ATP6V0B: variants seen among roughly 807,000 people sequenced by gnomAD.
ATP6V0B encodes the protein V-type proton ATPase 21 kDa proteolipid subunit c''.
ATP6V0B carries 4 observed loss-of-function variants against 26.2 expected under a neutral mutation model. The observed-to-expected ratio is 0.15, with a 90% CI of 0.08 to 0.35. The LOEUF is 0.35. ATP6V0B is among the 10% of genes least tolerant of loss of function. The pLI, the probability that ATP6V0B is intolerant of heterozygous loss-of-function variation, is 1.00. For missense variants in ATP6V0B, 175 were observed against 272.5 expected, an observed-to-expected ratio of 0.64 and a Z score of 2.52; for synonymous variants, 110 against 105.8, an observed-to-expected ratio of 1.04 and a Z score of -0.24.
At chr1:43,977,513 T>C in intron 7 of ATP6V0B, 4 of 1,430,478 alleles carry the variant, frequency 2.8e-6, no homozygotes, top group Non-Finnish European at 3.6e-6. Context: ...ATGCTTTTCA[T>C]GTCTCCAGTC....
chr1:43,976,108 GC>G lies in ATP6V0B; in HGVS notation c.138del (p.Phe47SerfsTer10). 6.2e-7 allele frequency: 1 copy of G among 1,614,062 alleles called. No homozygotes were observed. Among genetic ancestry groups the G allele is most frequent in the Non-Finnish European group, 8.5e-7 (1 of 1,179,976 alleles). On this transcript the variant is annotated frameshift_variant, in exon 3 of 8. Coordinates refer to ENST00000472174, the MANE Select transcript of ATP6V0B (RefSeq NM_004047.5). LOFTEE classifies it high-confidence loss of function. This position sits in a 1 kb window ranked among gnomAD's most constrained non-coding sequence, Gnocchi z 4.6. ...ACAACAGGTTCCTGACGGAGACTTC[GC>G]CCTTCATGTGGTCCAACCTGGGCAT... ...DVAWFLTETS[P>X]FMWSNLGIGL... is the part of the protein sequence containing the mutation.
At position 43,976,821 on chromosome 1, in the gene ATP6V0B, G is replaced by A; in HGVS notation, c.397G>A (p.Ala133Thr). The change falls in exon 6 of 8, where the codon GCA becomes ACA. Residue 133 changes from alanine to threonine, a missense_variant. Transcript: ENST00000472174. The surrounding 1 kb of genome is among the most constrained non-coding windows in gnomAD (Gnocchi z 4.6). ...GGCCATCGGCCATCGGAACTACCAT[G>A]CAGGTGGGTGGATGGGCGTATGAAT... ...PKAIGHRNYHAGYSMFGAGLT... is the reference protein window; with the variant it reads ...PKAIGHRNYHTGYSMFGAGLT... 6.2e-7 allele frequency: 1 copy of A among 1,614,212 alleles called. No homozygotes were observed.
At position 43,978,249 on chromosome 1, in the gene ATP6V0B, C is replaced by A. The variant is rs1046392280; in HGVS notation, c.*242C>A. The A allele has an allele frequency of 1.7e-6, 1 of 599,558 alleles. No homozygotes were observed. Among genetic ancestry groups the A allele is most frequent in the Non-Finnish European group, 3.0e-6 (1 of 336,128 alleles). 37.1% of individuals were successfully genotyped at this position (599,558 alleles called of 1,614,324 possible). A position where few individuals can be genotyped will look rare whatever the true frequency, so the allele number is the denominator to read the frequency against. ...TGTGTCCCCCACCTCCACCCTCAAC[C>A]CATCTTCCTAGTGTTTGTGAAATAA... On this transcript the variant is annotated 3_prime_UTR_variant, in exon 8 of 8. Coordinates refer to ENST00000472174, the MANE Select transcript of ATP6V0B (RefSeq NM_004047.5).
In ATP6V0B at chr1:43,976,756, T is replaced by C. The variant is rs2085524701; in HGVS notation, c.349-17T>C. 1 of 1,614,152 alleles carries C rather than the reference T, an allele frequency of 6.2e-7. No individual in the cohort carries two copies. The highest frequency in any genetic ancestry group is 1.1e-5 in the South Asian group (1 of 91,046). ...GTGCATCAGGATGGTTTCTGATTAC[T>C]TTTCTTCTTCCCTCAGCCTTTCAGT... On this transcript the variant is annotated splice_polypyrimidine_tract_variant and intron_variant, in intron 5 of 7. Transcript: ENST00000472174. The surrounding 1 kb of genome is among the most constrained non-coding windows in gnomAD (Gnocchi z 4.6).
chr1:43,975,986 C>T (rs1482219618), intron 2 of ATP6V0B, 104 bp from the exon 3 acceptor site: 3 of 1,518,664 alleles, frequency 2.0e-6, no homozygotes, highest in African/African-American at 2.7e-5. Context: ...TCAGTTGTTG[C>T]CTGTAGAACT....
In ATP6V0B at chr1:43,977,966, GTTCT is replaced by G. The variant is rs768220862; in HGVS notation, c.592-12_592-9del. ...CCTCTGTCCCTGCCTGATTTCTCCT[GTTCT>G]TTTTTTGCAGACCTCCAGAGTGAAG... On this transcript the variant is annotated splice_polypyrimidine_tract_variant and intron_variant, in intron 7 of 7. Coordinates refer to ENST00000472174, the MANE Select transcript of ATP6V0B (RefSeq NM_004047.5). 4.3e-6 allele frequency: 7 copies of G among 1,614,062 alleles called. No homozygotes were observed. Among genetic ancestry groups the G allele is most frequent in the Non-Finnish European group, 5.9e-6 (7 of 1,180,022 alleles).
intron 7 of ATP6V0B, 112 bp from the exon 8 acceptor site, chr1:43,977,869 A>C: frequency 6.2e-7 from 1 of 1,610,798 alleles, no homozygotes; most frequent in Admixed American, 1.7e-5. Flanking sequence ...TTAGTCATAT[A>C]TCTCTTGTGG....
intron 7 of ATP6V0B, 34 bp from the exon 8 acceptor site, chr1:43,977,947 T>C (rs1237624397): frequency 6.2e-7 from 1 of 1,614,234 alleles, no homozygotes; most frequent in South Asian, 1.1e-5. Context: ...TATTCCTCTG[T>C]CCCTGCCTGA....
chr1:43,977,444 T>C, intron 7 of ATP6V0B: 1 of 1,458,770 alleles, frequency 6.9e-7, no homozygotes, highest in Non-Finnish European at 9.0e-7. Context: ...CCCTTTCTAA[T>C]GCGTTGTATC....
At position 43,977,181 on chromosome 1, in the gene ATP6V0B, A is replaced by G. The variant is rs1222558028; in HGVS notation, c.556A>G (p.Ile186Val). 1.2e-6 allele frequency: 2 copies of G among 1,614,140 alleles called. No individual in the cohort carries two copies. The highest frequency in any genetic ancestry group is 8.5e-7 in the Non-Finnish European group (1 of 1,180,014). The part of the protein sequence containing the change: ...ILIVEIFGSA[I>V]GLFGVIVAIL... ...CATCGTGGAGATCTTTGGCAGCGCC[A>G]TTGGCCTCTTTGGGGTCATCGTCGC... Residue 186 changes from isoleucine to valine, a missense_variant, in exon 7 of 8, where the codon ATT becomes GTT. Coordinates refer to ENST00000472174, the MANE Select transcript of ATP6V0B (RefSeq NM_004047.5).
Position 43,977,189 on chromosome 1 carries a change from CTT to C in ATP6V0B, c.566_567del (p.Phe189TrpfsTer16). ...AGATCTTTGGCAGCGCCATTGGCCTCTTTGGGGTCATCGTCGCAATTCTTCAG... is the reference window on the plus strand; with the variant it reads ...AGATCTTTGGCAGCGCCATTGGCCTCTGGGGTCATCGTCGCAATTCTTCAG... ...VEIFGSAIGL[F>X]GVIVAILQTS... On this transcript the variant is annotated frameshift_variant, in exon 7 of 8. Coordinates refer to ENST00000472174, the MANE Select transcript of ATP6V0B (RefSeq NM_004047.5). LOFTEE classifies it high-confidence loss of function. The C allele has an allele frequency of 6.2e-7, 1 of 1,614,196 alleles. No homozygotes were observed. The highest frequency in any genetic ancestry group is 8.5e-7 in the Non-Finnish European group (1 of 1,180,036).
At position 43,976,247 on chromosome 1, in the gene ATP6V0B, G is replaced by T; in HGVS notation, c.201-55G>T. 3 of 1,609,412 alleles carry T rather than the reference G, an allele frequency of 1.9e-6. No individual in the cohort carries two copies. The highest frequency in any genetic ancestry group is 2.6e-6 in the Non-Finnish European group (3 of 1,175,820). ...GTGGTGTCACTGGGGTCTTAGGCATGCTGAGGGCAGTGACAGCTTGGGCTC... is the reference window on the plus strand; with the variant it reads ...GTGGTGTCACTGGGGTCTTAGGCATTCTGAGGGCAGTGACAGCTTGGGCTC... On this transcript the variant is annotated intron_variant, in intron 3 of 7. Coordinates refer to ENST00000472174, the MANE Select transcript of ATP6V0B (RefSeq NM_004047.5). The surrounding 1 kb of genome is among the most constrained non-coding windows in gnomAD (Gnocchi z 4.6).
At chr1:43,975,641 AAG>A in intron 1 of ATP6V0B, 157 bp from the exon 2 acceptor site, 1 of 789,098 alleles carries the variant, frequency 1.3e-6, no homozygotes, top group Admixed American at 2.1e-5. Flanking sequence ...ATGGAGGCCT[AAG>A]CAGAGGAATC....
Position 43,976,142 on chromosome 1 carries a change from G to A in ATP6V0B, c.169G>A (p.Ala57Thr), listed in dbSNP as rs1557646419. 1.2e-6 allele frequency: 2 copies of A among 1,614,108 alleles called. No homozygotes were observed. The highest frequency in any genetic ancestry group is 1.7e-6 in the Non-Finnish European group (2 of 1,180,020). Residue 57 changes from alanine to threonine, a missense_variant, in exon 3 of 8, where the codon GCT (alanine) becomes ACT (threonine). Physicochemically the swap from Ala to Thr is moderately conservative, Grantham distance 58 (BLOSUM62 0). This residue lies in a region of ATP6V0B where 75 missense variants were observed against 94.7 expected (regional missense o/e 0.79). Transcript: ENST00000472174. This position sits in a 1 kb window ranked among gnomAD's most constrained non-coding sequence, Gnocchi z 4.6. ...GTGGTCCAACCTGGGCATTGGCCTA[G>A]CTATCTCCCTGTCTGTGGTTGGGGC... Reference protein sequence around the residue: ...FMWSNLGIGLAISLSVVGAAW... With the variant: ...FMWSNLGIGLTISLSVVGAAW...
Position 43,975,006 on chromosome 1 carries a change from G to A in ATP6V0B, c.-35G>A. ...ACGCTGGGACGCGTTTGTAGCTCCG[G>A]CCCCGCCGTTCCGACCCCCGCCGCC... On this transcript the variant is annotated 5_prime_UTR_variant, in exon 1 of 8. Coordinates refer to ENST00000472174, the MANE Select transcript of ATP6V0B (RefSeq NM_004047.5). The A allele has an allele frequency of 7.9e-7, 1 of 1,260,508 alleles. No individual in the cohort carries two copies. The highest frequency in any genetic ancestry group is 3.0e-4 in the Middle Eastern group (1 of 3,290). 78.1% of individuals were successfully genotyped at this position (1,260,508 alleles called of 1,614,324 possible).
intron 1 of ATP6V0B, 102 bp from the exon 2 acceptor site, chr1:43,975,698 C>T (rs2085512177): frequency 7.4e-7 from 1 of 1,348,956 alleles, no homozygotes; most frequent in Non-Finnish European, 1.1e-6. Flanking sequence ...CTGAGGACGC[C>T]CCTTCAGGGA....
At position 43,975,719 on chromosome 1, in the gene ATP6V0B, C is replaced by A. The variant is rs1329463940; in HGVS notation, c.68-81C>A. 7 of 1,534,940 alleles carry A rather than the reference C, an allele frequency of 4.6e-6. No individual in the cohort carries two copies. In the South Asian group the frequency reaches 6.8e-5, roughly 15 times the overall value. On this transcript the variant is annotated intron_variant, in intron 1 of 7. Transcript: ENST00000472174. Reference sequence around the variant, plus strand: ...ACGCCCCTTCAGGGAGGTGGCCCTTCAGCTCGGCAGCTACTTTAGGTTGAA... The same window carrying A: ...ACGCCCCTTCAGGGAGGTGGCCCTTAAGCTCGGCAGCTACTTTAGGTTGAA...
chr1:43,976,477 G>T lies in ATP6V0B; in HGVS notation c.278+98G>T. On this transcript the variant is annotated intron_variant, in intron 4 of 7. Transcript: ENST00000472174. This position sits in a 1 kb window ranked among gnomAD's most constrained non-coding sequence, Gnocchi z 4.6. ...ACTGTTTCTGACAAGCCACCTTGTG[G>T]GATGGGATGTTATAGGGGAAAGATT... The T allele has an allele frequency of 6.5e-7, 1 of 1,537,206 alleles. No individual in the cohort carries two copies. Among genetic ancestry groups the T allele is most frequent in the South Asian group, 1.1e-5 (1 of 88,430 alleles).
rs200988092 is a variant in ATP6V0B, at chr1:43,976,839, G to C, written c.400+15G>C. ...CTACCATGCAGGTGGGTGGATGGGCGTATGAATGCAAAATGCTGGGACTTC... is the reference window on the plus strand; with the variant it reads ...CTACCATGCAGGTGGGTGGATGGGCCTATGAATGCAAAATGCTGGGACTTC... On this transcript the variant is annotated intron_variant, in intron 6 of 7. Transcript: ENST00000472174. The surrounding 1 kb of genome is among the most constrained non-coding windows in gnomAD (Gnocchi z 4.6). The C allele has an allele frequency of 8.1e-6, 13 of 1,614,042 alleles. No individual in the cohort carries two copies. Among genetic ancestry groups the C allele is most frequent in the Non-Finnish European group, 1.1e-5 (13 of 1,179,910 alleles).
Sources: allele counts gnomAD v4.1 joint callset, GRCh38; gene constraint gnomAD v4.1.1; regional missense constraint gnomAD v4.1.1; non-coding constraint Gnocchi (gnomAD v3.1); transcripts MANE v1.5; gene names NCBI Gene and HGNC (gene_info 2026-07-23, HGNC 2026-07-21).